The following CCDC117 variants were observed in gnomAD, a reference collection of about 807,000 sequenced individuals.
CCDC117 encodes coiled-coil domain-containing protein 117.
CCDC117 carries 1 observed loss-of-function variant against 23.5 expected under a neutral mutation model. That is an observed-to-expected ratio of 0.04 (90% CI 0.02 to 0.20). The LOEUF is 0.20. Ranked by LOEUF, CCDC117 falls within the 10% of genes least tolerant of loss-of-function variation. The pLI, the probability that CCDC117 is intolerant of heterozygous loss-of-function variation, is 1.00. For synonymous variants in CCDC117, 132 were observed against 124.8 expected, an observed-to-expected ratio of 1.06 and a Z score of -0.39; for missense variants, 383 against 348.2, an observed-to-expected ratio of 1.10 and a Z score of -0.80.
intron 2 of CCDC117, among the ~76,000 whole-genome samples, chr22:28,778,802 G>A (rs7290019): frequency 0.12 from 17,691 of 152,180 alleles, 1,501 homozygotes; most frequent in East Asian, 0.28. Flanking sequence ...CTAATGCCCA[G>A]AAGCGTGCTA....
chr22:28,780,188 C>G (rs2031278280), intron 2 of CCDC117, among the ~76,000 whole-genome samples: 1 of 152,152 alleles, frequency 6.6e-6, no homozygotes. Context: ...TCTAAAGTTT[C>G]TATGAAATAC....
At position 28,780,974 on chromosome 22, in the gene CCDC117, C is replaced by G. The variant is rs764282384; in HGVS notation, c.266C>G (p.Thr89Ser). 1 of 1,613,248 alleles carries G rather than the reference C, an allele frequency of 6.2e-7. No individual in the cohort carries two copies. Among genetic ancestry groups the G allele is most frequent in the Admixed American group, 1.7e-5 (1 of 59,936 alleles). Reference sequence around the variant, plus strand: ...TGTCCAGTAAGAAAGAAAAGGATAACTGAAGCAGAGCTCTGTGCTGGTCCT... The same window carrying G: ...TGTCCAGTAAGAAAGAAAAGGATAAGTGAAGCAGAGCTCTGTGCTGGTCCT... Reference protein sequence around the residue: ...DDCPVRKKRITEAELCAGPND... With the variant: ...DDCPVRKKRISEAELCAGPND... Residue 89 changes from threonine to serine, a missense_variant, in exon 3 of 5, where the codon ACT becomes AGT. By Grantham distance (58) the Thr-to-Ser change is moderately conservative (BLOSUM62 1). Coordinates refer to ENST00000249064, the MANE Select transcript of CCDC117 (RefSeq NM_173510.4).
In CCDC117 at chr22:28,773,689, A is replaced by G. The variant is rs774371102; in HGVS notation, c.186-36A>G. The G allele has an allele frequency of 2.2e-5, 34 of 1,567,860 alleles. 1 individual carries two copies. In the South Asian group the frequency reaches 3.0e-4, roughly 14 times the overall value. On this transcript the variant is annotated intron_variant, in intron 1 of 4. Transcript: ENST00000249064. ...ATACTGAAACCACAAGCTCGAGTAC[A>G]TTTCTTAATTGACTGATTTTTGTTT...
At chr22:28,786,050 C>A in intron 4 of CCDC117, 39 bp from the exon 5 acceptor site, 1 of 1,495,232 alleles carries the variant, frequency 6.7e-7, no homozygotes. Context: ...TTTTCATGTC[C>A]TAAAATTTTT....
In CCDC117 at chr22:28,773,668, T is replaced by A. The variant is rs2031066625; in HGVS notation, c.186-57T>A. ...ATTATTGGAGCAAGAAAGAGGATACTGAAACCACAAGCTCGAGTACATTTC... is the reference window on the plus strand; with the variant it reads ...ATTATTGGAGCAAGAAAGAGGATACAGAAACCACAAGCTCGAGTACATTTC... On this transcript the variant is annotated intron_variant, in intron 1 of 4. Coordinates refer to ENST00000249064, the MANE Select transcript of CCDC117 (RefSeq NM_173510.4). 5.6e-6 allele frequency: 8 copies of A among 1,433,132 alleles called. No homozygotes were observed. In the Admixed American group the frequency reaches 6.8e-5, roughly 12 times the overall value. 88.8% of individuals were successfully genotyped at this position (1,433,132 alleles called of 1,614,324 possible). A position where few individuals can be genotyped will look rare whatever the true frequency, so the allele number is the denominator to read the frequency against.
chr22:28,778,834 ATTATC>A (rs1456898589), intron 2 of CCDC117, among the ~76,000 whole-genome samples: 1 of 152,182 alleles, frequency 6.6e-6, no homozygotes, highest in African/African-American at 2.4e-5. Flanking sequence ...TTGGGACTTA[ATTATC>A]AGTGATCTCT....
intron 3 of CCDC117, among the ~76,000 whole-genome samples, 163 bp downstream of exon 3, chr22:28,781,335 GTTT>G (rs1179781447): frequency 2.7e-4 from 4 of 14,824 alleles, no homozygotes; most frequent in Non-Finnish European, 4.0e-4. Flanking sequence ...TTTTTGTTTT[GTTT>G]TTTTTTTTTT....
At position 28,773,668 on chromosome 22, in the gene CCDC117, TGAAACCA is replaced by T; in HGVS notation, c.186-56_186-50del. ...ATTATTGGAGCAAGAAAGAGGATAC[TGAAACCA>T]CAAGCTCGAGTACATTTCTTAATTG... On this transcript the variant is annotated intron_variant, in intron 1 of 4. Transcript: ENST00000249064. 2.1e-6 allele frequency: 3 copies of T among 1,433,250 alleles called. No individual in the cohort carries two copies. In the Admixed American group the frequency reaches 5.1e-5, roughly 24 times the overall value. The allele number at this position is 1,433,250 out of a possible 1,614,324, so 88.8% of individuals were successfully genotyped here. A position where few individuals can be genotyped will look rare whatever the true frequency, so the allele number is the denominator to read the frequency against.
intron 4 of CCDC117, 102 bp downstream of exon 4, chr22:28,783,747 G>C: frequency 9.0e-7 from 1 of 1,114,612 alleles, no homozygotes; most frequent in Middle Eastern, 2.8e-4. Flanking sequence ...TTTATCTCCT[G>C]ATCCCCAGGC....
intron 4 of CCDC117, among the ~76,000 whole-genome samples, chr22:28,783,894 T>C (rs1210454361): frequency 6.6e-6 from 1 of 152,168 alleles, no homozygotes; most frequent in Non-Finnish European, 1.5e-5. Flanking sequence ...GACTGCAGTC[T>C]GCTATTTGGA....
At position 28,772,821 on chromosome 22, in the gene CCDC117, G is replaced by A. The variant is rs1013305865; in HGVS notation, c.-29G>A. 7 of 1,221,412 alleles carry A rather than the reference G, an allele frequency of 5.7e-6. No individual in the cohort carries two copies. Among genetic ancestry groups the A allele is most frequent in the Non-Finnish European group, 7.1e-6 (7 of 980,936 alleles). 75.7% of individuals were successfully genotyped at this position (1,221,412 alleles called of 1,614,324 possible). A position where few individuals can be genotyped will look rare whatever the true frequency, so the allele number is the denominator to read the frequency against. On this transcript the variant is annotated 5_prime_UTR_variant, in exon 1 of 5. Transcript: ENST00000249064. ...CCTGGGGACGCGGGCGGCCGAGGCC[G>A]CCGTCGCAGCCTCCTCGTCTCGCCG... is the stretch of plus-strand genomic sequence containing the variant.
rs2031033311 is a variant in CCDC117 at position 28,772,983 on chromosome 22, C to T, written c.134C>T (p.Pro45Leu). 2.5e-6 allele frequency: 3 copies of T among 1,182,364 alleles called. No homozygotes were observed. The highest frequency in any genetic ancestry group is 4.1e-5 in the South Asian group (1 of 24,354). 73.2% of individuals were successfully genotyped at this position (1,182,364 alleles called of 1,614,324 possible). A position where few individuals can be genotyped will look rare whatever the true frequency, so the allele number is the denominator to read the frequency against. The change falls in exon 1 of 5, where the codon CCG (proline) becomes CTG (leucine). Residue 45 changes from proline to leucine, a missense_variant. Coordinates refer to ENST00000249064, the MANE Select transcript of CCDC117 (RefSeq NM_173510.4). ...GADGAELAPR[P>L]GPRAVPSSPA... ...GACGGCGCCGAGTTGGCCCCGCGGC[C>T]GGGACCTCGCGCAGTCCCTAGCAGT...
rs1569198958 is a variant in CCDC117 at position 28,781,347 on chromosome 22, T to TTTG, written c.464+177_464+178insGTT. Among the ~76,000 whole-genome samples, 16 of 8,728 alleles carry TTTG rather than the reference T, an allele frequency of 1.8e-3. 1 individual carries two copies. The highest frequency in any genetic ancestry group is 2.6e-3 in the African/African-American group (2 of 768). 5.7% of individuals were successfully genotyped at this position (8,728 alleles called of 152,430 possible). The stretch of plus-strand genomic sequence containing the variant: ...GTTTTTTTGTTTTGTTTTTTTTTTT[T>TTTG]TTTTTTTTTTTTTTTTTTTTTGAGA... On this transcript the variant is annotated intron_variant, in intron 3 of 4. Transcript: ENST00000249064.
At position 28,772,735 on chromosome 22, in the gene CCDC117, G is replaced by C. The variant is rs79084132; in HGVS notation, c.-115G>C. On this transcript the variant is annotated 5_prime_UTR_variant, in exon 1 of 5. Transcript: ENST00000249064. The stretch of plus-strand genomic sequence containing the variant: ...GAGGGTTCTAGAAGGCGTGACGTGG[G>C]GTCGAGAGCGGGATCCGAGGCTGGC... 2.5e-6 allele frequency: 2 copies of C among 804,164 alleles called. No individual in the cohort carries two copies. Among genetic ancestry groups the C allele is most frequent in the Non-Finnish European group, 3.3e-6 (2 of 606,670 alleles). 49.8% of individuals were successfully genotyped at this position (804,164 alleles called of 1,614,324 possible).
chr22:28,779,193 ACTTT>A (rs1485354365), intron 2 of CCDC117, among the ~76,000 whole-genome samples: 1 of 88,188 alleles, frequency 1.1e-5, no homozygotes, highest in African/African-American at 5.4e-5. Context: ...AATATCACAT[ACTTT>A]ATTTATTTAT....
Position 28,772,776 on chromosome 22 carries a change from C to T in CCDC117, c.-74C>T, listed in dbSNP as rs190030863. 5.1e-5 allele frequency: 59 copies of T among 1,164,506 alleles called. No individual in the cohort carries two copies. The East Asian group carries it at 1.7e-3, about 33-fold the overall frequency. The allele number at this position is 1,164,506 out of a possible 1,614,324, so 72.1% of individuals were successfully genotyped here. On this transcript the variant is annotated 5_prime_UTR_variant, in exon 1 of 5. Coordinates refer to ENST00000249064, the MANE Select transcript of CCDC117 (RefSeq NM_173510.4). ...CGAGGCTGGCGGGTTTTGGCAGTAGCTGTGGCTGCGGCTGCCGGGCCTGGG... is the reference window on the plus strand; with the variant it reads ...CGAGGCTGGCGGGTTTTGGCAGTAGTTGTGGCTGCGGCTGCCGGGCCTGGG...
intron 2 of CCDC117, among the ~76,000 whole-genome samples, chr22:28,777,742 T>C (rs983809554): frequency 1.8e-4 from 27 of 151,762 alleles, no homozygotes; most frequent in South Asian, 2.1e-4. Flanking sequence ...TTCCTTGACC[T>C]CATGATCCAC....
intron 2 of CCDC117, among the ~76,000 whole-genome samples, chr22:28,775,602 TAGAAAA>T (rs1255950330): frequency 6.6e-6 from 1 of 151,834 alleles, no homozygotes; most frequent in African/African-American, 2.4e-5. Flanking sequence ...AACAGTCTAA[TAGAAAA>T]AGAAGTAAGG....
chr22:28,786,188 G>A lies in CCDC117; in HGVS notation c.702G>A (p.Glu234=). 6.2e-7 allele frequency: 1 copy of A among 1,614,126 alleles called. No individual in the cohort carries two copies. Among genetic ancestry groups the A allele is most frequent in the Non-Finnish European group, 8.5e-7 (1 of 1,180,022 alleles). ...PSSNTKNYTG[E]SQAKHVAAGT... ...CTAATACTAAGAACTATACAGGAGA[G>A]AGCCAAGCTAAGCATGTAGCTGCTG... The change falls in exon 5 of 5, where the codon GAG becomes GAA. Residue 234 remains glutamate (E), a synonymous_variant. Transcript: ENST00000249064.
Sources: allele counts gnomAD v4.1 joint callset (sites outside exome capture counted in the v4.1 genomes callset), GRCh38; gene constraint gnomAD v4.1.1; transcripts MANE v1.5; gene names NCBI Gene and HGNC (gene_info 2026-07-23, HGNC 2026-07-21).